The following ARHGAP22 variants were observed in gnomAD, a reference collection of about 807,000 sequenced individuals.
ARHGAP22 encodes the protein rho GTPase-activating protein 22.
ARHGAP22 carries 48 observed loss-of-function variants against 59.1 expected under a neutral mutation model. That is an observed-to-expected ratio of 0.81 (90% CI 0.64 to 1.03). The LOEUF (loss-of-function observed/expected upper bound fraction) is 1.03, where lower values mean the gene tolerates loss of function less well. ARHGAP22 is among the 50% of genes least tolerant of loss of function. ARHGAP22 has a pLI of 0.00. For synonymous variants in ARHGAP22, 445 were observed against 416.4 expected (o/e 1.07, Z -0.84); for missense variants, 1,015 against 958.7 (o/e 1.06, Z -0.78).
chr10:48,566,888 G>A (rs2058077659), intron 2 of ARHGAP22, among the ~76,000 whole-genome samples: 1 of 152,204 alleles, frequency 6.6e-6, no homozygotes, highest in Non-Finnish European at 1.5e-5. Flanking sequence ...GTGTTGCACA[G>A]CTCAGGCCCT....
intron 3 of ARHGAP22, among the ~76,000 whole-genome samples, chr10:48,534,761 C>G (rs1184809838): frequency 6.6e-6 from 1 of 152,218 alleles, no homozygotes; most frequent in East Asian, 1.9e-4. Flanking sequence ...GCGGAAAAGT[C>G]AGAATTAGAA....
chr10:48,652,270 A>T, exon 1 of ARHGAP22: 1 of 1,535,712 alleles, frequency 6.5e-7, no homozygotes, highest in Non-Finnish European at 8.7e-7. Context: ...CTTTTGCTGG[A>T]AGCTGTCGGC....
intron 2 of ARHGAP22, among the ~76,000 whole-genome samples, chr10:48,561,692 T>C (rs2057697060): frequency 6.6e-6 from 1 of 152,170 alleles, no homozygotes; most frequent in African/African-American, 2.4e-5. Context: ...AACAGATAAT[T>C]ACTATAGAAG....
At chr10:48,599,586 C>G (rs7914253) in intron 1 of ARHGAP22, among the ~76,000 whole-genome samples, 1 of 152,070 alleles carries the variant, frequency 6.6e-6, no homozygotes, top group South Asian at 2.1e-4. Flanking sequence ...TGGGATTCCT[C>G]AACATCACCA....
chr10:48,492,283 A>G (rs1217971460), intron 3 of ARHGAP22, among the ~76,000 whole-genome samples: 1 of 152,170 alleles, frequency 6.6e-6, no homozygotes, highest in African/African-American at 2.4e-5. Context: ...TTTTAAAAAA[A>G]TATTTTTTAA....
chr10:48,545,671 G>A (rs140629033), intron 3 of ARHGAP22, among the ~76,000 whole-genome samples: 128 of 152,284 alleles, frequency 8.4e-4, no homozygotes, highest in African/African-American at 2.9e-3. Flanking sequence ...TCTCCTCTGC[G>A]GAGTAATCTG....
chr10:48,441,907 C>T (rs1331076911), downstream of ARHGAP22, among the ~76,000 whole-genome samples: 1 of 152,198 alleles, frequency 6.6e-6, no homozygotes, highest in Non-Finnish European at 1.5e-5. Context: ...TTGACAGCAT[C>T]CTGTGTTCTC....
intron 3 of ARHGAP22, among the ~76,000 whole-genome samples, chr10:48,525,937 A>C (rs1564819928): frequency 6.6e-6 from 1 of 152,222 alleles, no homozygotes; most frequent in African/African-American, 2.4e-5. Flanking sequence ...ATTAAAGTAA[A>C]TAATCAATTT....
chr10:48,553,187 C>T (rs927580960), intron 3 of ARHGAP22, among the ~76,000 whole-genome samples: 1 of 152,236 alleles, frequency 6.6e-6, no homozygotes. Context: ...CAGATAGCTG[C>T]GCCGCACTCT....
At chr10:48,593,600 C>A (rs1312947474) in intron 1 of ARHGAP22, among the ~76,000 whole-genome samples, 1 of 152,226 alleles carries the variant, frequency 6.6e-6, no homozygotes, top group Non-Finnish European at 1.5e-5. Context: ...ACTAAGTGAC[C>A]ACAGGCAGGT....
At chr10:48,455,871 T>C (rs1023151876) in intron 5 of ARHGAP22, among the ~76,000 whole-genome samples, 3 of 152,114 alleles carry the variant, frequency 2.0e-5, no homozygotes, top group African/African-American at 7.2e-5. Flanking sequence ...GGCCCTTTCC[T>C]CTCTTCCTGT....
In ARHGAP22 at chr10:48,446,439, G is replaced by A. The variant is rs760135733; in HGVS notation, c.2049C>T (p.Thr683=). 1.2e-6 allele frequency: 2 copies of A among 1,613,906 alleles called. No homozygotes were observed. Among genetic ancestry groups the A allele is most frequent in the East Asian group, 2.2e-5 (1 of 44,894 alleles). ...LQREMEEFFS[T]LGSLTVGAKG... ...TTGCCCCAACAGTCAAGCTTCCTAG[G>A]GTCGAAAAAAACTCCTCCATTTCCC... Residue 683 remains threonine (T), a synonymous_variant, in exon 10 of 10, where the codon ACC becomes ACT. Transcript: ENST00000249601.
At chr10:48,523,991 C>G (rs2054078392) in intron 3 of ARHGAP22, 1 of 1,406,216 alleles carries the variant, frequency 7.1e-7, no homozygotes, top group Admixed American at 2.6e-5. Flanking sequence ...GTCCCCGAGG[C>G]GGGGCTGGCA....
At chr10:48,570,062 GT>G (rs1301679796) in intron 2 of ARHGAP22, among the ~76,000 whole-genome samples, 1 of 152,150 alleles carries the variant, frequency 6.6e-6, no homozygotes, top group East Asian at 1.9e-4. Context: ...AGAAAAAATG[GT>G]TTTAACTAAA....
intron 4 of ARHGAP22, among the ~76,000 whole-genome samples, chr10:48,461,452 T>C (rs898640030): frequency 3.3e-5 from 5 of 152,112 alleles, no homozygotes; most frequent in African/African-American, 7.2e-5. Flanking sequence ...ATGTTACTCT[T>C]AAATAACATT....
intron 1 of ARHGAP22, among the ~76,000 whole-genome samples, chr10:48,633,442 T>C (rs2061695579): frequency 6.6e-6 from 1 of 152,230 alleles, no homozygotes; most frequent in Admixed American, 6.5e-5. Flanking sequence ...GGCATCTGAT[T>C]GTTTGTCTGG....
chr10:48,570,195 G>C (rs1014414781), intron 2 of ARHGAP22, among the ~76,000 whole-genome samples: 11 of 151,268 alleles, frequency 7.3e-5, no homozygotes, highest in Admixed American at 1.3e-4. Context: ...TGTTTAATGT[G>C]GGGAATTATG....
chr10:48,476,521 C>T (rs1721860007), intron 4 of ARHGAP22, among the ~76,000 whole-genome samples: 1 of 152,242 alleles, frequency 6.6e-6, no homozygotes, highest in Non-Finnish European at 1.5e-5. Flanking sequence ...AGAAAACCTT[C>T]AGGGGCCGAC....
Position 48,505,443 on chromosome 10 carries a change from G to A in ARHGAP22, c.323-25679C>T, listed in dbSNP as rs182792792. On this transcript the variant is annotated intron_variant, in intron 3 of 9. Transcript: ENST00000249601. ...TAATCCATCCCCACCATGAGACCACGTCCAGCAGCTCCAAAAATACAGATG... is the reference window on the plus strand; with the variant it reads ...TAATCCATCCCCACCATGAGACCACATCCAGCAGCTCCAAAAATACAGATG... Among the ~76,000 whole-genome samples, 353 of 152,144 alleles carry A rather than the reference G, an allele frequency of 2.3e-3. 5 individuals are homozygous for A. The highest frequency in any genetic ancestry group is 8.1e-3 in the African/African-American group (336 of 41,494).
Sources: allele counts gnomAD v4.1 joint callset (sites outside exome capture counted in the v4.1 genomes callset), GRCh38; gene constraint gnomAD v4.1.1; transcripts MANE v1.5; gene names NCBI Gene and HGNC (gene_info 2026-07-23, HGNC 2026-07-21).